FLI1: variants seen among roughly 807,000 people sequenced by gnomAD.
FLI1 encodes the protein Friend leukemia integration 1 transcription factor.
A neutral mutation model predicts 53.1 loss-of-function variants in FLI1; 13 were observed. The observed-to-expected ratio is 0.24, with a 90% CI of 0.16 to 0.39. The LOEUF (loss-of-function observed/expected upper bound fraction) is 0.39, where lower values mean the gene tolerates loss of function less well. Among genes scored for constraint, FLI1 ranks in the 10% least tolerant of loss-of-function variants. The probability of loss-of-function intolerance (pLI) is 1.00; values close to 1 mark genes in which losing one functional copy is unlikely to be tolerated. For missense variants in FLI1, 424 were observed against 600.5 expected, an observed-to-expected ratio of 0.71 and a Z score of 3.07; for synonymous variants, 244 against 236.7, an observed-to-expected ratio of 1.03 and a Z score of -0.28.
At chr11:128,781,814 C>G (rs1010453572) in intron 4 of FLI1, 144 bp from the exon 5 acceptor site, 3 of 672,428 alleles carry the variant, frequency 4.5e-6, no homozygotes, top group Non-Finnish European at 8.1e-6. Context: ...GGATTCCATT[C>G]GCTTTTCCTT....
chr11:128,768,259 C>T lies in FLI1; in HGVS notation c.372C>T (p.Val124=). The change falls in exon 3 of 9, where the codon GTC becomes GTT. Residue 124 remains valine (V), a synonymous_variant. Coordinates refer to ENST00000527786, the MANE Select transcript of FLI1 (RefSeq NM_002017.5). ...PPNMTTNERR[V]IVPADPTLWT... The stretch of plus-strand genomic sequence containing the variant: ...ACATGACCACCAACGAGAGGAGAGT[C>T]ATCGTCCCCGCAGGTAATTCGAGAA... 1.9e-6 allele frequency: 3 copies of T among 1,613,906 alleles called. No homozygotes were observed. The highest frequency in any genetic ancestry group is 2.5e-6 in the Non-Finnish European group (3 of 1,179,876).
At chr11:128,736,071 G>A (rs1293434807) in intron 1 of FLI1, among the ~76,000 whole-genome samples, 1 of 152,122 alleles carries the variant, frequency 6.6e-6, no homozygotes, top group African/African-American at 2.4e-5. Context: ...TCCATCTAGC[G>A]TAACACTGAG....
intron 1 of FLI1, among the ~76,000 whole-genome samples, chr11:128,748,587 C>T (rs1256070927): frequency 5.9e-5 from 9 of 151,804 alleles, no homozygotes; most frequent in African/African-American, 9.7e-5. Flanking sequence ...AAGCTGAGAT[C>T]GCGCCTCTGC....
intron 1 of FLI1, chr11:128,748,166 T>G (rs905742357): frequency 1.9e-6 from 1 of 534,246 alleles, no homozygotes; most frequent in African/African-American, 2.1e-5. Context: ...ACTTAGGCTA[T>G]ACCCTTCATT....
chr11:128,728,152 G>T (rs1196246679), intron 1 of FLI1, among the ~76,000 whole-genome samples: 2 of 152,264 alleles, frequency 1.3e-5, no homozygotes, highest in Non-Finnish European at 2.9e-5. Flanking sequence ...GAGTCTGATA[G>T]TGCAGCAGGC....
At chr11:128,735,938 C>T (rs1939894803) in intron 1 of FLI1, among the ~76,000 whole-genome samples, 1 of 152,200 alleles carries the variant, frequency 6.6e-6, no homozygotes, top group Admixed American at 6.5e-5. Context: ...AATCGAAACA[C>T]GTATCTAGAA....
At chr11:128,756,198 A>C (rs184500113) in intron 1 of FLI1, among the ~76,000 whole-genome samples, 3 of 152,318 alleles carry the variant, frequency 2.0e-5, no homozygotes, top group East Asian at 3.9e-4. Context: ...TGAGTGGCTT[A>C]AGCAAAAGAA....
intron 1 of FLI1, among the ~76,000 whole-genome samples, chr11:128,711,498 AC>A (rs1938782605): frequency 6.6e-6 from 1 of 152,256 alleles, no homozygotes; most frequent in Non-Finnish European, 1.5e-5. Context: ...AGAATGTAAT[AC>A]TTTATTTCCC....
chr11:128,783,236 G>T (rs566005989), intron 5 of FLI1, among the ~76,000 whole-genome samples: 4 of 152,308 alleles, frequency 2.6e-5, no homozygotes, highest in Admixed American at 2.0e-4. Flanking sequence ...GGACCATTTG[G>T]CTTAAAATCC....
At chr11:128,777,292 T>A (rs1941764064) in intron 4 of FLI1, among the ~76,000 whole-genome samples, 1 of 151,906 alleles carries the variant, frequency 6.6e-6, no homozygotes, top group African/African-American at 2.4e-5. Flanking sequence ...GAGCCTTTTT[T>A]AAGTTTTACA....
chr11:128,726,728 G>A (rs1339546043), intron 1 of FLI1, among the ~76,000 whole-genome samples: 2 of 152,222 alleles, frequency 1.3e-5, no homozygotes, highest in Non-Finnish European at 2.9e-5. Context: ...AAGTGTCTTG[G>A]GGTGCTTTGC....
At position 128,757,831 on chromosome 11, in the gene FLI1, T is replaced by A. The variant is rs75901261; in HGVS notation, c.19-284T>A. Among the ~76,000 whole-genome samples the A allele has an allele frequency of 0.052, 7,859 of 152,164 alleles. 482 individuals carry two copies. Among genetic ancestry groups the A allele is most frequent in the East Asian group, 0.27 (1,400 of 5,162 alleles). ...ATTCTTGGCCTCCCTATCCCCACCCTCCTTTTTGGGGGTCCCAGACTACAG... is the reference window on the plus strand; with the variant it reads ...ATTCTTGGCCTCCCTATCCCCACCCACCTTTTTGGGGGTCCCAGACTACAG... On this transcript the variant is annotated intron_variant, in intron 1 of 8. Transcript: ENST00000527786.
At chr11:128,707,297 A>ACCTG (rs1356363972) in intron 1 of FLI1, among the ~76,000 whole-genome samples, 1 of 152,212 alleles carries the variant, frequency 6.6e-6, no homozygotes, top group Non-Finnish European at 1.5e-5. Context: ...AACCATGCTA[A>ACCTG]CCTGCCCTTC....
At position 128,811,444 on chromosome 11, in the gene FLI1, T is replaced by C. The variant is rs1942933700; in HGVS notation, c.*456T>C. On this transcript the variant is annotated 3_prime_UTR_variant, in exon 9 of 9. Coordinates refer to ENST00000527786, the MANE Select transcript of FLI1 (RefSeq NM_002017.5). The stretch of plus-strand genomic sequence containing the variant: ...TAGAGGTGGGAAGCTTATAATCTAA[T>C]TTTAGGAGGACCAAATTCAGTGGAT... The C allele has an allele frequency of 4.3e-6, 1 of 233,630 alleles. No individual in the cohort carries two copies. Among genetic ancestry groups the C allele is most frequent in the South Asian group, 1.6e-4 (1 of 6,096 alleles). The allele number at this position is 233,630 out of a possible 1,614,324, so 14.5% of individuals were successfully genotyped here.
In FLI1 at chr11:128,810,138, G is replaced by C. The variant is rs1260254993; in HGVS notation, c.830-321G>C. 6.6e-6 allele frequency among the ~76,000 whole-genome samples: 1 copy of C among 151,754 alleles called. No individual in the cohort carries two copies. The highest frequency in any genetic ancestry group is 1.5e-5 in the Non-Finnish European group (1 of 67,864). Reference sequence around the variant, plus strand: ...GAAGAGATTCAAAAGCCTTGCCAAAGGGATTGAGGGGGGATATGGCTCACC... The same window carrying C: ...GAAGAGATTCAAAAGCCTTGCCAAACGGATTGAGGGGGGATATGGCTCACC... On this transcript the variant is annotated intron_variant, in intron 8 of 8. Transcript: ENST00000527786. This position sits in a 1 kb window ranked among gnomAD's most constrained non-coding sequence, Gnocchi z 6.6.
At chr11:128,687,559 TGCCCCGCCCTCCCCATCCTGAA>T (rs1937602141) in intron 1 of FLI1, among the ~76,000 whole-genome samples, 1 of 151,854 alleles carries the variant, frequency 6.6e-6, no homozygotes, top group Non-Finnish European at 1.5e-5. Context: ...CCCAGATCTC[TGCCCCGCCCTCCCCATCCTGAA>T]GCCCCGCCTC....
chr11:128,723,536 A>G (rs530178984), intron 1 of FLI1, among the ~76,000 whole-genome samples: 2 of 152,332 alleles, frequency 1.3e-5, no homozygotes, highest in South Asian at 4.1e-4. Flanking sequence ...TCCTGCTGCC[A>G]TATATGTGCT....
At chr11:128,801,230 C>A (rs545293782) in intron 5 of FLI1, among the ~76,000 whole-genome samples, 1 of 152,220 alleles carries the variant, frequency 6.6e-6, no homozygotes, top group Admixed American at 6.5e-5. Context: ...CATGCGCTGA[C>A]GGAGAGTCGG....
At chr11:128,791,550 C>CT (rs2135886571) in intron 5 of FLI1, among the ~76,000 whole-genome samples, 2 of 152,306 alleles carry the variant, frequency 1.3e-5, no homozygotes, top group South Asian at 4.1e-4. Flanking sequence ...AAGGTAGGGA[C>CT]TATTGGATGG....
Sources: gnomAD v4.1 joint callset for allele counts (sites outside exome capture counted in the v4.1 genomes callset) on GRCh38, gnomAD v4.1.1 for gene constraint, Gnocchi (gnomAD v3.1) non-coding constraint, MANE v1.5 for transcripts, NCBI Gene and HGNC (gene_info 2026-07-23, HGNC 2026-07-21) for gene names.